The following SLC25A13 variants were observed in gnomAD, a reference collection of about 807,000 sequenced individuals.
The protein encoded by SLC25A13 is solute carrier family 25 member 13.
SLC25A13 carries 70 observed loss-of-function variants against 85.5 expected under a neutral mutation model. That is an observed-to-expected ratio of 0.82 (90% confidence interval 0.68 to 1.00). SLC25A13 has a LOEUF of 1.00. SLC25A13 is among the 50% of genes least tolerant of loss of function. The pLI is 0.00. For synonymous variants in SLC25A13, 259 were observed against 288.7 expected, an observed-to-expected ratio of 0.90 and a Z score of 1.04; for missense variants, 765 against 819.8, an observed-to-expected ratio of 0.93 and a Z score of 0.82.
In SLC25A13 at chr7:96,293,646, A is replaced by G. The variant is rs185302421; in HGVS notation, c.69+3252T>C. ...ATGTGAACAGACACTTCTCAAAAGA[A>G]GACATTTATGCAGCCAAAAGACACA... is the stretch of plus-strand genomic sequence containing the variant. On this transcript the variant is annotated intron_variant, in intron 2 of 17. Transcript: ENST00000265631. 4.9e-4 allele frequency among the ~76,000 whole-genome samples: 75 copies of G among 152,372 alleles called. 1 individual carries two copies. The highest frequency in any genetic ancestry group is 1.7e-3 in the African/African-American group (71 of 41,588).
chr7:96,239,065 A>ATATATATATATATATG (rs1392985826), intron 3 of SLC25A13, among the ~76,000 whole-genome samples: 13 of 132,056 alleles, frequency 9.8e-5, no homozygotes, highest in African/African-American at 3.5e-4. Flanking sequence ...ATATATATAT[A>ATATATATATATATATG]TATGTATGTA....
intron 2 of SLC25A13, among the ~76,000 whole-genome samples, chr7:96,284,840 T>A (rs1021695613): frequency 1.3e-5 from 2 of 152,224 alleles, no homozygotes; most frequent in Non-Finnish European, 2.9e-5. Flanking sequence ...TGTGAGTCAA[T>A]TAAACCTCTT....
At chr7:96,265,671 G>A (rs781138284) in intron 3 of SLC25A13, among the ~76,000 whole-genome samples, 1 of 152,154 alleles carries the variant, frequency 6.6e-6, no homozygotes, top group Non-Finnish European at 1.5e-5. Flanking sequence ...TCAGTATGAC[G>A]AAGATGATGA....
chr7:96,169,817 T>G, intron 13 of SLC25A13: 3 of 564,220 alleles, frequency 5.3e-6, no homozygotes, highest in Non-Finnish European at 9.5e-6. Flanking sequence ...CCATAAGCAA[T>G]GACGAATTTA....
intron 14 of SLC25A13, among the ~76,000 whole-genome samples, chr7:96,137,817 G>A (rs927068612): frequency 2.6e-5 from 4 of 152,232 alleles, no homozygotes; most frequent in Admixed American, 6.5e-5. Flanking sequence ...TAGAGATGGG[G>A]TTTCAACATG....
chr7:96,300,961 T>C (rs1799528177), intron 1 of SLC25A13, among the ~76,000 whole-genome samples: 1 of 152,228 alleles, frequency 6.6e-6, no homozygotes, highest in Admixed American at 6.5e-5. Flanking sequence ...AAGTGTCATT[T>C]GCTATGAATG....
chr7:96,318,097 C>G (rs1800197284), intron 1 of SLC25A13, among the ~76,000 whole-genome samples: 1 of 152,166 alleles, frequency 6.6e-6, no homozygotes, highest in Non-Finnish European at 1.5e-5. Flanking sequence ...GTGTACTAGT[C>G]CTACAGACCA....
At chr7:96,233,287 T>C (rs1019214722) in intron 4 of SLC25A13, among the ~76,000 whole-genome samples, 4 of 152,212 alleles carry the variant, frequency 2.6e-5, no homozygotes, top group African/African-American at 4.8e-5. Context: ...CTCGCTTCCA[T>C]TGAGTAAATC....
At chr7:96,317,825 A>G (rs1299233355) in intron 1 of SLC25A13, among the ~76,000 whole-genome samples, 2 of 144,546 alleles carry the variant, frequency 1.4e-5, no homozygotes, top group African/African-American at 5.1e-5. Context: ...TTTTTGAGAC[A>G]GGATCTCGTT....
chr7:96,184,812 C>A, intron 10 of SLC25A13, 115 bp downstream of exon 10: 2 of 905,900 alleles, frequency 2.2e-6, no homozygotes, highest in Non-Finnish European at 1.8e-6. Flanking sequence ...AAACTGATAA[C>A]TGGCATTGGG....
chr7:96,240,434 T>C (rs1036458523), intron 3 of SLC25A13, among the ~76,000 whole-genome samples: 4 of 152,104 alleles, frequency 2.6e-5, no homozygotes, highest in African/African-American at 9.7e-5. Flanking sequence ...ATTCTACATG[T>C]TTGGCAGAGG....
intron 3 of SLC25A13, among the ~76,000 whole-genome samples, chr7:96,271,718 T>C (rs1409573904): frequency 6.6e-6 from 1 of 152,120 alleles, no homozygotes; most frequent in Non-Finnish European, 1.5e-5. Context: ...ACTATATATG[T>C]AAAATATATA....
intron 3 of SLC25A13, among the ~76,000 whole-genome samples, chr7:96,261,988 T>C (rs1362729633): frequency 1.3e-5 from 2 of 152,154 alleles, no homozygotes; most frequent in African/African-American, 4.8e-5. Flanking sequence ...AATATGTTCA[T>C]CTCTTAAAGG....
intron 7 of SLC25A13, among the ~76,000 whole-genome samples, chr7:96,190,325 T>A (rs910348337): frequency 3.9e-5 from 6 of 152,094 alleles, no homozygotes; most frequent in Non-Finnish European, 7.4e-5. Flanking sequence ...TCTCCTGACC[T>A]CATGATCTGC....
intron 13 of SLC25A13, among the ~76,000 whole-genome samples, chr7:96,153,159 G>T (rs1181580160): frequency 2.0e-5 from 3 of 152,220 alleles, no homozygotes; most frequent in Non-Finnish European, 4.4e-5. Context: ...GACATACAGA[G>T]TTGGGGGATA....
At chr7:96,315,765 C>G (rs1800104834) in intron 1 of SLC25A13, among the ~76,000 whole-genome samples, 1 of 152,098 alleles carries the variant, frequency 6.6e-6, no homozygotes, top group Admixed American at 6.5e-5. Flanking sequence ...TCACCAAATA[C>G]TTAGTAGAGT....
At chr7:96,174,771 G>T (rs1011109185) in intron 11 of SLC25A13, among the ~76,000 whole-genome samples, 9 of 152,276 alleles carry the variant, frequency 5.9e-5, no homozygotes, top group African/African-American at 2.2e-4. Context: ...AATCACTTCA[G>T]CCAGCCTTTC....
At chr7:96,198,112 T>A (rs1007403264) in intron 5 of SLC25A13, among the ~76,000 whole-genome samples, 1 of 152,182 alleles carries the variant, frequency 6.6e-6, no homozygotes, top group Non-Finnish European at 1.5e-5. Flanking sequence ...TACATTATGA[T>A]GACAATAAGA....
Position 96,200,350 on chromosome 7 carries a change from A to G in SLC25A13, c.469-7167T>C, listed in dbSNP as rs568256188. Among the ~76,000 whole-genome samples the G allele has an allele frequency of 1.5e-3, 229 of 152,362 alleles. 2 individuals are homozygous for G. The highest frequency in any genetic ancestry group is 5.2e-3 in the African/African-American group (218 of 41,582). ...CCAAACAATTTCTATATTACATCAC[A>G]TATCAGTACCTGTATACTGGTTTGC... On this transcript the variant is annotated intron_variant, in intron 5 of 17. Transcript: ENST00000265631.
Sources: gnomAD v4.1 joint callset for allele counts (sites outside exome capture counted in the v4.1 genomes callset) on GRCh38, gnomAD v4.1.1 for gene constraint, MANE v1.5 for transcripts, NCBI Gene and HGNC (gene_info 2026-07-23, HGNC 2026-07-21) for gene names.